The following TMEM108 variants were observed in gnomAD, a reference collection of about 807,000 sequenced individuals.
TMEM108 encodes transmembrane protein 108.
A neutral mutation model predicts 35.1 loss-of-function variants in TMEM108; 12 were observed. The observed-to-expected ratio is 0.34, with a 90% CI of 0.22 to 0.55. The LOEUF (loss-of-function observed/expected upper bound fraction) is 0.55. TMEM108 is among the 20% of genes least tolerant of loss of function. TMEM108 has a pLI of 0.89. For synonymous variants in TMEM108, 287 were observed against 308.6 expected, an observed-to-expected ratio of 0.93 and a Z score of 0.73; for missense variants, 680 against 753.3, an observed-to-expected ratio of 0.90 and a Z score of 1.14.
chr3:133,078,629 A>G (rs1042179502), intron 2 of TMEM108, among the ~76,000 whole-genome samples: 5 of 152,270 alleles, frequency 3.3e-5, no homozygotes, highest in African/African-American at 1.2e-4. Context: ...TAATCAACTC[A>G]AGAATAAATA....
intron 3 of TMEM108, among the ~76,000 whole-genome samples, chr3:133,352,057 C>CT (rs139633561): frequency 0.012 from 1,898 of 152,262 alleles, 16 homozygotes; most frequent in South Asian, 0.024. Flanking sequence ...CATTCTTAAA[C>CT]TTTAAGATTA....
At chr3:133,131,391 C>G (rs1334684588) in intron 2 of TMEM108, among the ~76,000 whole-genome samples, 1 of 151,050 alleles carries the variant, frequency 6.6e-6, no homozygotes, top group Non-Finnish European at 1.5e-5. Context: ...CTATCAACAC[C>G]TATTTCCAAC....
intron 3 of TMEM108, among the ~76,000 whole-genome samples, chr3:133,332,950 C>G: frequency 6.6e-6 from 1 of 152,150 alleles, no homozygotes; most frequent in South Asian, 2.1e-4. Flanking sequence ...CTCCTCAGTC[C>G]CTAACATGAA....
chr3:133,210,701 G>T (rs1430322751), intron 2 of TMEM108, among the ~76,000 whole-genome samples: 2 of 152,166 alleles, frequency 1.3e-5, no homozygotes. Context: ...AAAATGTTCG[G>T]AATATCATGA....
At chr3:133,393,502 G>T (rs1254763348) in intron 5 of TMEM108, among the ~76,000 whole-genome samples, 2 of 152,170 alleles carry the variant, frequency 1.3e-5, no homozygotes, top group East Asian at 3.8e-4. Flanking sequence ...TATAAATGTT[G>T]TTCACCACAA....
chr3:133,389,835 T>C (rs898274348), intron 4 of TMEM108, among the ~76,000 whole-genome samples: 3 of 152,100 alleles, frequency 2.0e-5, no homozygotes, highest in African/African-American at 7.2e-5. Context: ...TGGGGCTAAA[T>C]AGAGGATTAA....
At chr3:133,323,687 T>C (rs2071294158) in intron 3 of TMEM108, among the ~76,000 whole-genome samples, 1 of 152,116 alleles carries the variant, frequency 6.6e-6, no homozygotes, top group South Asian at 2.1e-4. Context: ...CTAAAATTCA[T>C]ATGGAACCAT....
At chr3:133,197,878 G>T (rs1945602668) in intron 2 of TMEM108, among the ~76,000 whole-genome samples, 1 of 152,128 alleles carries the variant, frequency 6.6e-6, no homozygotes, top group African/African-American at 2.4e-5. Flanking sequence ...CAAATGACTG[G>T]TCCTCTGGTT....
intron 3 of TMEM108, chr3:133,248,146 G>A (rs1946413447): frequency 6.6e-6 from 1 of 152,130 alleles, no homozygotes; most frequent in Admixed American, 6.5e-5. Flanking sequence ...AACTTGGAGA[G>A]AGGCAACAAT....
At chr3:133,308,029 G>A (rs1054601273) in intron 3 of TMEM108, among the ~76,000 whole-genome samples, 1 of 151,882 alleles carries the variant, frequency 6.6e-6, no homozygotes, top group Non-Finnish European at 1.5e-5. Context: ...GTCCTCTTTT[G>A]TTTCATTGAG....
At chr3:133,054,140 T>A (rs9810472) in intron 2 of TMEM108, among the ~76,000 whole-genome samples, 1 of 151,936 alleles carries the variant, frequency 6.6e-6, no homozygotes, top group African/African-American at 2.4e-5. Flanking sequence ...CTAGTTTAAT[T>A]ACCCTGAATT....
chr3:133,078,688 T>A (rs1943774678), intron 2 of TMEM108, among the ~76,000 whole-genome samples: 3 of 152,000 alleles, frequency 2.0e-5, no homozygotes, highest in South Asian at 4.2e-4. Context: ...ACTGGAGGAG[T>A]TTTAAGCTTT....
intron 2 of TMEM108, among the ~76,000 whole-genome samples, chr3:133,143,931 A>C (rs1944676152): frequency 1.4e-5 from 1 of 70,642 alleles, no homozygotes; most frequent in South Asian, 3.7e-4. Context: ...CTTTTATTTT[A>C]TTTTATTTTA....
chr3:133,166,274 T>A (rs918404040), intron 2 of TMEM108, among the ~76,000 whole-genome samples: 3 of 152,162 alleles, frequency 2.0e-5, no homozygotes, highest in Middle Eastern at 3.2e-3. Context: ...GATGGGATAA[T>A]CTGTACACAA....
intron 2 of TMEM108, among the ~76,000 whole-genome samples, chr3:133,109,058 C>A (rs984060345): frequency 2.0e-5 from 3 of 152,034 alleles, no homozygotes; most frequent in Non-Finnish European, 2.9e-5. Context: ...TGCAGGTGAC[C>A]TCAGAGACTG....
chr3:133,292,678 A>C (rs1284951815), intron 3 of TMEM108, among the ~76,000 whole-genome samples: 4 of 152,106 alleles, frequency 2.6e-5, no homozygotes, highest in Non-Finnish European at 5.9e-5. Flanking sequence ...GTTTTTTTTA[A>C]AGCATCTGTT....
chr3:133,175,570 C>T (rs964584101), intron 2 of TMEM108, among the ~76,000 whole-genome samples: 2 of 152,112 alleles, frequency 1.3e-5, no homozygotes, highest in African/African-American at 2.4e-5. Context: ...TCCAGCCAAA[C>T]TAAGCTTCAT....
intron 3 of TMEM108, among the ~76,000 whole-genome samples, chr3:133,233,027 T>A (rs1378043805): frequency 1.9e-3 from 107 of 55,664 alleles, no homozygotes; most frequent in Non-Finnish European, 3.4e-3. Context: ...ACCACTTTCG[T>A]TTTTTTTTTT....
intron 2 of TMEM108, among the ~76,000 whole-genome samples, chr3:133,145,691 A>G (rs1944709119): frequency 6.6e-6 from 1 of 152,106 alleles, no homozygotes; most frequent in South Asian, 2.1e-4. Flanking sequence ...ATCCCTTGTA[A>G]GTTGTATTCC....
Sources: gnomAD v4.1 joint callset for allele counts (sites outside exome capture counted in the v4.1 genomes callset) on GRCh38, gnomAD v4.1.1 for gene constraint, MANE v1.5 for transcripts, NCBI Gene and HGNC (gene_info 2026-07-23, HGNC 2026-07-21) for gene names.